The following IL2RB variants were observed in gnomAD, a reference collection of about 807,000 sequenced individuals.
The protein encoded by IL2RB is interleukin 2 receptor subunit beta.
Under a neutral mutation model 44.2 loss-of-function variants are expected in IL2RB, and 17 were observed. The ratio of observed to expected loss-of-function variants is 0.38; its 90% confidence interval spans 0.26 to 0.58. IL2RB has a LOEUF of 0.58. Among genes scored for constraint, IL2RB ranks in the 20% least tolerant of loss-of-function variants. The pLI is 0.63. For synonymous variants in IL2RB, 286 were observed against 297.9 expected (o/e 0.96, Z 0.41); for missense variants, 624 against 685.5 (o/e 0.91, Z 1.00).
intron 1 of IL2RB, among the ~76,000 whole-genome samples, chr22:37,169,036 G>A (rs1226457169): frequency 1.3e-5 from 2 of 151,872 alleles, no homozygotes; most frequent in African/African-American, 2.4e-5. Flanking sequence ...TTACAGAGGA[G>A]TTCTGTTTAC....
At position 37,128,428 on chromosome 22, in the gene IL2RB, T is replaced by C; in HGVS notation, c.1324A>G (p.Ser442Gly). The change falls in exon 10 of 10, where the codon AGC (serine) becomes GGC (glycine). Residue 442 changes from serine to glycine, a missense_variant. Ser to Gly is a moderately conservative substitution (Grantham distance 56, BLOSUM62 0). Transcript: ENST00000216223. This position sits in a 1 kb window ranked among gnomAD's most constrained non-coding sequence, Gnocchi z 4.5. ...GCCCCACTGCCCCCAGGGGCAGTGCTTGGGGGGCTGGGGCCACCGAGGAGA... is the reference window on the plus strand; with the variant it reads ...GCCCCACTGCCCCCAGGGGCAGTGCCTGGGGGGCTGGGGCCACCGAGGAGA... ...PSLLGGPSPPSTAPGGSGAGE... is the reference protein window; with the variant it reads ...PSLLGGPSPPGTAPGGSGAGE... The C allele has an allele frequency of 6.5e-7, 1 of 1,530,640 alleles. No individual in the cohort carries two copies. The highest frequency in any genetic ancestry group is 8.8e-7 in the Non-Finnish European group (1 of 1,136,368). The allele number at this position is 1,530,640 out of a possible 1,614,324, so 94.8% of individuals were successfully genotyped here.
chr22:37,147,728 G>A (rs751839247), intron 1 of IL2RB, among the ~76,000 whole-genome samples: 12 of 152,368 alleles, frequency 7.9e-5, no homozygotes, highest in Non-Finnish European at 1.6e-4. Flanking sequence ...CTCACAGACA[G>A]ACTGGCAGGT....
In IL2RB at chr22:37,128,709, G is replaced by T. The variant is rs768733522; in HGVS notation, c.1043C>A (p.Ser348Tyr). The T allele has an allele frequency of 1.9e-5, 31 of 1,614,200 alleles. No homozygotes were observed. The highest frequency in any genetic ancestry group is 2.5e-5 in the Non-Finnish European group (29 of 1,180,010). The change falls in exon 10 of 10, where the codon TCC becomes TAC. Residue 348 changes from serine to tyrosine, a missense_variant. Coordinates refer to ENST00000216223, the MANE Select transcript of IL2RB (RefSeq NM_000878.5). This position sits in a 1 kb window ranked among gnomAD's most constrained non-coding sequence, Gnocchi z 4.5. ...LQQDKVPEPA[S>Y]LSSNHSLTSC... ...GGTCAGCGAGTGGTTGCTGCTTAAG[G>T]ATGCGGGCTCAGGCACCTTGTCCTG...
chr22:37,161,338 T>C (rs575317956), intron 1 of IL2RB, among the ~76,000 whole-genome samples: 1 of 152,284 alleles, frequency 6.6e-6, no homozygotes, highest in Admixed American at 6.5e-5. Flanking sequence ...TCAGGTGCTG[T>C]CCTGGATATT....
At chr22:37,163,953 C>G (rs1397342931) in intron 1 of IL2RB, among the ~76,000 whole-genome samples, 1 of 152,248 alleles carries the variant, frequency 6.6e-6, no homozygotes, top group Non-Finnish European at 1.5e-5. Context: ...CAGGTGGCAG[C>G]CAGCAGCACA....
chr22:37,148,675 G>A (rs1195647564), intron 1 of IL2RB, among the ~76,000 whole-genome samples: 3 of 152,138 alleles, frequency 2.0e-5, no homozygotes. Flanking sequence ...GGGTAGTTCA[G>A]CTTTTAGCCC....
intron 1 of IL2RB, among the ~76,000 whole-genome samples, chr22:37,145,417 T>TTTA (rs912817101): frequency 6.6e-6 from 1 of 151,760 alleles, no homozygotes; most frequent in Non-Finnish European, 1.5e-5. Flanking sequence ...TGGCCAGTGC[T>TTTA]TTATTTATTT....
chr22:37,135,782 G>A (rs1300305940), intron 7 of IL2RB, among the ~76,000 whole-genome samples: 1 of 151,824 alleles, frequency 6.6e-6, no homozygotes, highest in Non-Finnish European at 1.5e-5. Flanking sequence ...AGGACCCCAG[G>A]TCTTGCTTGG....
chr22:37,128,460 G>A lies in IL2RB; in HGVS notation c.1292C>T (p.Ser431Phe), dbSNP rs550783162. 7 of 1,574,684 alleles carry A rather than the reference G, an allele frequency of 4.4e-6. No individual in the cohort carries two copies. The African/African-American group carries it at 8.1e-5, about 18-fold the overall frequency. The change falls in exon 10 of 10, where the codon TCC becomes TTC. Residue 431 changes from serine to phenylalanine, a missense_variant. Around this residue, in one of 3 missense-constraint regions of IL2RB, gnomAD observed 291 missense variants for 275.5 expected, o/e 1.06. Transcript: ENST00000216223. The surrounding 1 kb of genome is among the most constrained non-coding windows in gnomAD (Gnocchi z 4.5). ...GCTGGGGCCACCGAGGAGACTGGGG[G>A]AGAAGAGCAGCAGGTCATCCCTGGA... ...FPSRDDLLLF[S>F]PSLLGGPSPP... is the part of the protein sequence containing the mutation.
chr22:37,153,004 G>A (rs566140419), upstream of IL2RB, among the ~76,000 whole-genome samples: 1 of 136,754 alleles, frequency 7.3e-6, no homozygotes. Flanking sequence ...GCACAATCTC[G>A]GCTCACTGCA....
At chr22:37,170,927 C>T (rs761710347) in intron 1 of IL2RB, among the ~76,000 whole-genome samples, 8 of 152,248 alleles carry the variant, frequency 5.3e-5, no homozygotes, top group Non-Finnish European at 1.0e-4. Flanking sequence ...GTGGAACTTC[C>T]GATATTATGG....
intron 1 of IL2RB, among the ~76,000 whole-genome samples, chr22:37,164,229 G>A (rs988686488): frequency 3.9e-5 from 6 of 152,006 alleles, no homozygotes; most frequent in African/African-American, 1.4e-4. Flanking sequence ...CTCTCCAAAA[G>A]TACCCGAGAA....
intron 1 of IL2RB, among the ~76,000 whole-genome samples, chr22:37,158,896 T>G (rs1293771669): frequency 6.6e-6 from 1 of 152,212 alleles, no homozygotes; most frequent in Non-Finnish European, 1.5e-5. Flanking sequence ...GTCTTCACTA[T>G]GCTGAGAGCA....
chr22:37,134,375 C>T (rs758193847), intron 8 of IL2RB, among the ~76,000 whole-genome samples: 1 of 152,008 alleles, frequency 6.6e-6, no homozygotes, highest in Non-Finnish European at 1.5e-5. Flanking sequence ...GAGGCCAAGG[C>T]GAGTGGATCA....
At chr22:37,172,311 T>C (rs229500) in intron 1 of IL2RB, among the ~76,000 whole-genome samples, 136,724 of 152,168 alleles carry the variant, frequency 0.9, 62,815 homozygotes, top group East Asian at 1. Context: ...TAGCCCCAGC[T>C]CCTTGGCGCC....
intron 5 of IL2RB, among the ~76,000 whole-genome samples, chr22:37,138,673 A>G (rs1921818478): frequency 6.6e-6 from 1 of 152,226 alleles, no homozygotes; most frequent in Non-Finnish European, 1.5e-5. Context: ...AACCCAGGAC[A>G]TACATTCCCA....
intron 1 of IL2RB, among the ~76,000 whole-genome samples, chr22:37,145,659 G>A (rs991109418): frequency 8.5e-5 from 13 of 152,062 alleles, no homozygotes; most frequent in Non-Finnish European, 1.3e-4. Flanking sequence ...GGCAAAGGGG[G>A]AGGCAGGGAG....
chr22:37,172,344 T>G (rs1923318218), intron 1 of IL2RB, among the ~76,000 whole-genome samples: 1 of 152,130 alleles, frequency 6.6e-6, no homozygotes, highest in Non-Finnish European at 1.5e-5. Context: ...GATCCCTGGC[T>G]GCACCTCCTA....
chr22:37,164,798 G>A (rs1197307292), intron 1 of IL2RB, among the ~76,000 whole-genome samples: 1 of 152,126 alleles, frequency 6.6e-6, no homozygotes, highest in Non-Finnish European at 1.5e-5. Context: ...GAAAGTTCTA[G>A]AAGCATAGCC....
Sources: allele counts gnomAD v4.1 joint callset (sites outside exome capture counted in the v4.1 genomes callset), GRCh38; gene constraint gnomAD v4.1.1; regional missense constraint gnomAD v4.1.1; non-coding constraint Gnocchi (gnomAD v3.1); transcripts MANE v1.5; gene names NCBI Gene and HGNC (gene_info 2026-07-23, HGNC 2026-07-21).